The following ANO10 variants were observed in gnomAD, a reference collection of about 807,000 sequenced individuals.
ANO10 encodes the protein anoctamin 10.
A neutral mutation model predicts 74.7 loss-of-function variants in ANO10; 77 were observed. The observed-to-expected ratio is 1.03, with a 90% confidence interval of 0.86 to 1.25. ANO10 has a LOEUF of 1.25. ANO10 is among the 50% of genes most tolerant of loss of function. ANO10 has a pLI of 0.00. For missense variants in ANO10, 721 were observed against 778.1 expected (o/e 0.93, Z 0.87); for synonymous variants, 279 against 284.9 (o/e 0.98, Z 0.21).
chr3:43,460,782 G>C (rs900227860), intron 11 of ANO10, among the ~76,000 whole-genome samples: 1 of 151,898 alleles, frequency 6.6e-6, no homozygotes, highest in Admixed American at 6.6e-5. Flanking sequence ...CAGGAGAGAG[G>C]GTTTTTTTTA....
chr3:43,494,177 G>A (rs1344488707), intron 11 of ANO10, among the ~76,000 whole-genome samples: 4 of 152,228 alleles, frequency 2.6e-5, no homozygotes, highest in East Asian at 1.9e-4. Context: ...TAAGTGGCCA[G>A]ACGTGGTGGC....
chr3:43,497,016 T>G (rs2076941988), intron 11 of ANO10, among the ~76,000 whole-genome samples: 1 of 152,148 alleles, frequency 6.6e-6, no homozygotes, highest in Non-Finnish European at 1.5e-5. Flanking sequence ...TACTTGGCAG[T>G]ATGGGGATAG....
At chr3:43,565,854 G>C in intron 7 of ANO10, 127 bp from the exon 8 acceptor site, 1 of 954,026 alleles carries the variant, frequency 1.0e-6, no homozygotes. Flanking sequence ...AATAGGAACA[G>C]CTCCAGTCTA....
At chr3:43,502,779 T>C (rs983079851) in intron 11 of ANO10, among the ~76,000 whole-genome samples, 4 of 152,216 alleles carry the variant, frequency 2.6e-5, no homozygotes, top group African/African-American at 9.6e-5. Flanking sequence ...AATTCTGACA[T>C]GCTACAGCAT....
At chr3:43,450,181 G>T (rs1299933721) in intron 11 of ANO10, among the ~76,000 whole-genome samples, 1 of 151,918 alleles carries the variant, frequency 6.6e-6, no homozygotes. Context: ...TTTTTTTCTG[G>T]AATAAAGTAG....
intron 11 of ANO10, among the ~76,000 whole-genome samples, chr3:43,453,098 A>G (rs1053250017): frequency 1.3e-5 from 2 of 151,850 alleles, no homozygotes; most frequent in Non-Finnish European, 2.9e-5. Flanking sequence ...TGATTTGCAA[A>G]TATCTGCAAC....
At chr3:43,497,019 G>A (rs535683578) in intron 11 of ANO10, among the ~76,000 whole-genome samples, 1 of 152,182 alleles carries the variant, frequency 6.6e-6, no homozygotes, top group Admixed American at 6.5e-5. Flanking sequence ...TTGGCAGTAT[G>A]GGGATAGGGG....
intron 12 of ANO10, among the ~76,000 whole-genome samples, chr3:43,386,989 T>C (rs2125708616): frequency 6.6e-6 from 1 of 152,268 alleles, no homozygotes; most frequent in African/African-American, 2.4e-5. Flanking sequence ...CACTGGACTC[T>C]AGGAACCGTC....
intron 1 of ANO10, among the ~76,000 whole-genome samples, chr3:43,677,921 A>C (rs1368939887): frequency 2.6e-5 from 4 of 152,236 alleles, no homozygotes; most frequent in Non-Finnish European, 4.4e-5. Flanking sequence ...AACAAGTCAC[A>C]AGTTCAGACT....
intron 11 of ANO10, among the ~76,000 whole-genome samples, chr3:43,530,874 A>ATGTGTGTGTGTGTGTG (rs140115664): frequency 4.0e-5 from 6 of 150,830 alleles, no homozygotes; most frequent in African/African-American, 1.5e-4. Context: ...GCTGGGACTA[A>ATGTGTGTGTGTGTGTG]TGTGTGTGTG....
At chr3:43,582,442 G>A (rs182244758) in intron 4 of ANO10, among the ~76,000 whole-genome samples, 5 of 151,018 alleles carry the variant, frequency 3.3e-5, no homozygotes, top group Admixed American at 1.3e-4. Flanking sequence ...GCGAGACTCC[G>A]TCTCAAAAAA....
intron 11 of ANO10, among the ~76,000 whole-genome samples, chr3:43,446,091 G>A (rs754289258): frequency 2.0e-4 from 31 of 152,314 alleles, no homozygotes; most frequent in Middle Eastern, 6.8e-3. Context: ...AATTCTTAGA[G>A]TGGGTGATCA....
chr3:43,440,544 C>G (rs1241467788), intron 11 of ANO10, among the ~76,000 whole-genome samples: 1 of 151,768 alleles, frequency 6.6e-6, no homozygotes, highest in Non-Finnish European at 1.5e-5. Context: ...ATCAGAGTAA[C>G]CAAATATATG....
intron 5 of ANO10, among the ~76,000 whole-genome samples, chr3:43,580,137 T>C (rs1469969015): frequency 1.2e-4 from 17 of 140,356 alleles, no homozygotes; most frequent in Non-Finnish European, 1.7e-4. Context: ...AGTGAGACCC[T>C]ATCTCAAAAA....
intron 4 of ANO10, among the ~76,000 whole-genome samples, chr3:43,593,399 A>AC (rs1490084288): frequency 8.5e-5 from 13 of 152,278 alleles, no homozygotes; most frequent in African/African-American, 2.9e-4. Context: ...CATCAGACTA[A>AC]CAGCAGATCT....
intron 1 of ANO10, among the ~76,000 whole-genome samples, chr3:43,640,772 A>G (rs1009331229): frequency 6.6e-6 from 1 of 152,248 alleles, no homozygotes; most frequent in Non-Finnish European, 1.5e-5. Flanking sequence ...AATAATTAAG[A>G]GAATGAAATG....
At chr3:43,564,159 G>C (rs141004623) in intron 8 of ANO10, among the ~76,000 whole-genome samples, 7 of 151,884 alleles carry the variant, frequency 4.6e-5, no homozygotes, top group Non-Finnish European at 8.8e-5. Flanking sequence ...CAGTCTCCCA[G>C]GTAGCTGAGA....
chr3:43,390,234 A>G (rs1205046152), intron 12 of ANO10, among the ~76,000 whole-genome samples: 2 of 152,088 alleles, frequency 1.3e-5, no homozygotes, highest in African/African-American at 4.8e-5. Flanking sequence ...CGTTGAGCCC[A>G]CCACCTCTGG....
At chr3:43,600,835 C>G (rs534775736) in intron 2 of ANO10, among the ~76,000 whole-genome samples, 1 of 151,800 alleles carries the variant, frequency 6.6e-6, no homozygotes, top group East Asian at 1.9e-4. Flanking sequence ...GTAGATGAGA[C>G]GAGAATTCAA....
Sources: allele counts gnomAD v4.1 joint callset (sites outside exome capture counted in the v4.1 genomes callset), GRCh38; gene constraint gnomAD v4.1.1; transcripts MANE v1.5; gene names NCBI Gene and HGNC (gene_info 2026-07-23, HGNC 2026-07-21).